Variants in SCHIP1 observed in about 807,000 individuals in gnomAD.
The protein encoded by SCHIP1 is schwannomin interacting protein 1.
Under a neutral mutation model 29.7 loss-of-function variants are expected in SCHIP1, and 8 were observed. The observed-to-expected ratio is 0.27, with a 90% CI of 0.16 to 0.49. The LOEUF (loss-of-function observed/expected upper bound fraction) is 0.49. Ranked by LOEUF, SCHIP1 falls within the 20% of genes least tolerant of loss-of-function variation. SCHIP1 has a pLI of 0.99. For synonymous variants in SCHIP1, 76 were observed against 94.9 expected, an observed-to-expected ratio of 0.80 and a Z score of 1.16; for missense variants, 193 against 294.6, an observed-to-expected ratio of 0.66 and a Z score of 2.52.
At chr3:159,589,029 T>C in the SCHIP1 span, among the ~76,000 whole-genome samples, 39 of 152,254 alleles carry the variant, frequency 2.6e-4, no homozygotes, top group African/African-American at 8.7e-4. Context: ...GTGGGGATGG[T>C]ACTGAATCTA....
At chr3:159,827,331 C>T in the SCHIP1 span, among the ~76,000 whole-genome samples, 1 of 152,054 alleles carries the variant, frequency 6.6e-6, no homozygotes, top group Non-Finnish European at 1.5e-5. Context: ...TCAGCACTAC[C>T]TCTGTATTTA....
chr3:159,389,869 A>G, the SCHIP1 span, among the ~76,000 whole-genome samples: 1 of 151,950 alleles, frequency 6.6e-6, no homozygotes, highest in East Asian at 1.9e-4. Context: ...AAATGGTAGA[A>G]GTTTTAGAAA....
At chr3:159,626,186 A>AGATAGAT in the SCHIP1 span, among the ~76,000 whole-genome samples, 6 of 118,828 alleles carry the variant, frequency 5.0e-5, no homozygotes, top group Non-Finnish European at 9.3e-5. Context: ...CTATCTAGAT[A>AGATAGAT]GATAGATAGA....
the SCHIP1 span, among the ~76,000 whole-genome samples, chr3:159,759,262 G>C: frequency 1.3e-5 from 2 of 152,172 alleles, no homozygotes; most frequent in African/African-American, 4.8e-5. Flanking sequence ...GTATAGACTA[G>C]TAAGTTAAGA....
the SCHIP1 span, among the ~76,000 whole-genome samples, chr3:159,320,936 T>G: frequency 6.6e-6 from 1 of 151,600 alleles, no homozygotes; most frequent in Non-Finnish European, 1.5e-5. Context: ...TGGCATGGAG[T>G]GACTACTTAA....
the SCHIP1 span, among the ~76,000 whole-genome samples, chr3:159,626,137 GATAT>G: frequency 0.018 from 1,508 of 85,924 alleles, 148 homozygotes; most frequent in African/African-American, 0.087. Context: ...TAGATAGATA[GATAT>G]ATCTAGATAT....
At chr3:159,315,565 A>C in the SCHIP1 span, among the ~76,000 whole-genome samples, 1 of 151,722 alleles carries the variant, frequency 6.6e-6, no homozygotes, top group South Asian at 2.1e-4. Flanking sequence ...ATATATATTC[A>C]TAATTATATC....
At chr3:159,507,421 A>G in the SCHIP1 span, among the ~76,000 whole-genome samples, 174 of 152,290 alleles carry the variant, frequency 1.1e-3, no homozygotes, top group Non-Finnish European at 2.2e-3. Context: ...AACAGGGACA[A>G]TTTGACTTCC....
At chr3:159,618,259 T>A in the SCHIP1 span, among the ~76,000 whole-genome samples, 1 of 152,210 alleles carries the variant, frequency 6.6e-6, no homozygotes, top group Admixed American at 6.5e-5. Context: ...CCAGGTTTTT[T>A]AAGTTTTACT....
At chr3:159,844,333 G>T (rs1460674780) in intron 1 of SCHIP1, among the ~76,000 whole-genome samples, 4 of 152,214 alleles carry the variant, frequency 2.6e-5, no homozygotes, top group African/African-American at 9.6e-5. Context: ...TGTATGCACT[G>T]TTCTTTGAAC....
At chr3:159,621,735 G>A in the SCHIP1 span, among the ~76,000 whole-genome samples, 12 of 151,714 alleles carry the variant, frequency 7.9e-5, no homozygotes, top group South Asian at 2.1e-4. Flanking sequence ...GTATGATCTC[G>A]TCCCACTGCA....
At chr3:159,597,292 T>G in the SCHIP1 span, among the ~76,000 whole-genome samples, 2 of 152,332 alleles carry the variant, frequency 1.3e-5, no homozygotes, top group East Asian at 3.9e-4. Context: ...TAATGATAAA[T>G]TGAGGCTATT....
the SCHIP1 span, among the ~76,000 whole-genome samples, chr3:159,550,638 T>C: frequency 6.6e-6 from 1 of 152,138 alleles, no homozygotes; most frequent in Non-Finnish European, 1.5e-5. Context: ...TAGAGTTATA[T>C]TTTTATATTT....
the SCHIP1 span, among the ~76,000 whole-genome samples, chr3:159,672,356 A>C: frequency 6.6e-6 from 1 of 152,238 alleles, no homozygotes; most frequent in Non-Finnish European, 1.5e-5. Flanking sequence ...TGTGACAACT[A>C]AAGTAGATCA....
At chr3:159,589,649 A>G in the SCHIP1 span, among the ~76,000 whole-genome samples, 1 of 152,180 alleles carries the variant, frequency 6.6e-6, no homozygotes, top group African/African-American at 2.4e-5. Flanking sequence ...CATGTGTACT[A>G]AGCGTTCTGT....
the SCHIP1 span, among the ~76,000 whole-genome samples, chr3:159,739,096 A>G: frequency 4.6e-5 from 7 of 152,336 alleles, no homozygotes; most frequent in East Asian, 1.3e-3. Flanking sequence ...TGAGGGCAGG[A>G]CACCATTGGC....
the SCHIP1 span, among the ~76,000 whole-genome samples, chr3:159,315,284 C>T: frequency 2.2e-4 from 33 of 150,512 alleles, no homozygotes; most frequent in African/African-American, 3.9e-4. Flanking sequence ...CTGCAAGCTC[C>T]GCCTCCCGGG....
At chr3:159,505,662 C>G in the SCHIP1 span, among the ~76,000 whole-genome samples, 1 of 152,122 alleles carries the variant, frequency 6.6e-6, no homozygotes, top group Admixed American at 6.5e-5. Flanking sequence ...TGATGTTCCC[C>G]TTCCTGTGTC....
At chr3:159,866,031 C>T (rs919636428) in intron 1 of SCHIP1, 132 bp from the exon 3 acceptor site, 4 of 778,520 alleles carry the variant, frequency 5.1e-6, no homozygotes, top group Non-Finnish European at 8.4e-6. Flanking sequence ...AATTCAAATA[C>T]TCTTATGCCG....
Sources: gnomAD v4.1 joint callset for allele counts (sites outside exome capture counted in the v4.1 genomes callset) on GRCh38, gnomAD v4.1.1 for gene constraint, MANE v1.5 for transcripts, NCBI Gene and HGNC (gene_info 2026-07-23, HGNC 2026-07-21) for gene names.